Variants in DCC observed in about 807,000 individuals in gnomAD.
The protein encoded by DCC is DCC netrin 1 receptor.
In DCC, 58 loss-of-function variants were observed where a neutral mutation model predicts 172.5. The ratio of observed to expected loss-of-function variants is 0.34; its 90% CI spans 0.27 to 0.42. The LOEUF is 0.42. Ranked by LOEUF, DCC falls within the 10% of genes least tolerant of loss-of-function variation. DCC has a pLI of 1.00. For missense variants in DCC, 1,740 were observed against 1,791.0 expected (o/e 0.97, Z 0.51); for synonymous variants, 709 against 644.5 (o/e 1.10, Z -1.52).
intron 1 of DCC, among the ~76,000 whole-genome samples, chr18:52,449,025 C>T (rs1343804419): frequency 1.3e-5 from 2 of 152,192 alleles, no homozygotes; most frequent in African/African-American, 4.8e-5. Context: ...AATGGATTTA[C>T]AGTTCCACCT....
At chr18:53,233,688 C>G (rs1394748529) in intron 12 of DCC, among the ~76,000 whole-genome samples, 1 of 152,210 alleles carries the variant, frequency 6.6e-6, no homozygotes, top group African/African-American at 2.4e-5. Context: ...ATTCACCAAG[C>G]ATGTGAACCA....
intron 1 of DCC, among the ~76,000 whole-genome samples, chr18:52,615,971 TATGA>T (rs1178212188): frequency 6.6e-6 from 1 of 152,196 alleles, no homozygotes; most frequent in African/African-American, 2.4e-5. Context: ...TTTATATATA[TATGA>T]ATGAATGAAT....
chr18:52,697,610 C>T (rs1367336286), intron 1 of DCC, among the ~76,000 whole-genome samples: 1 of 152,098 alleles, frequency 6.6e-6, no homozygotes, highest in Non-Finnish European at 1.5e-5. Context: ...AGAGGCATAT[C>T]CAGACAAGTG....
intron 21 of DCC, among the ~76,000 whole-genome samples, chr18:53,424,130 C>T (rs749119926): frequency 9.9e-5 from 15 of 152,178 alleles, no homozygotes; most frequent in Non-Finnish European, 1.6e-4. Context: ...TAGATGGCTA[C>T]GACCTCCTGC....
chr18:52,588,344 C>T (rs1257186872), intron 1 of DCC, among the ~76,000 whole-genome samples: 1 of 152,206 alleles, frequency 6.6e-6, no homozygotes, highest in Non-Finnish European at 1.5e-5. Context: ...GCACCTGTTG[C>T]AAAGCCTTCT....
intron 1 of DCC, among the ~76,000 whole-genome samples, chr18:52,372,172 C>A (rs1008523980): frequency 1.3e-5 from 2 of 152,194 alleles, no homozygotes; most frequent in African/African-American, 4.8e-5. Context: ...AGCTGGATAT[C>A]TAGCAAGCCA....
At chr18:52,700,562 T>G (rs967744542) in intron 1 of DCC, among the ~76,000 whole-genome samples, 2 of 152,226 alleles carry the variant, frequency 1.3e-5, no homozygotes, top group African/African-American at 2.4e-5. Context: ...ATTCTTTCTA[T>G]CATGAACAAA....
At chr18:52,645,626 G>T (rs1598983821) in intron 1 of DCC, among the ~76,000 whole-genome samples, 1 of 152,124 alleles carries the variant, frequency 6.6e-6, no homozygotes, top group Non-Finnish European at 1.5e-5. Context: ...CAGGTGCATT[G>T]TGGACATCAT....
intron 20 of DCC, 61 bp from the exon 21 acceptor site, chr18:53,416,063 T>C (rs983304602): frequency 2.4e-5 from 30 of 1,246,348 alleles, no homozygotes; most frequent in Middle Eastern, 4.1e-4. Context: ...TGGTTTGATA[T>C]GTCAGCTTTC....
chr18:52,385,684 AG>A (rs1372127282), intron 1 of DCC, among the ~76,000 whole-genome samples: 1 of 152,036 alleles, frequency 6.6e-6, no homozygotes, highest in Non-Finnish European at 1.5e-5. Flanking sequence ...TTTTTCAGGG[AG>A]GAATGTAAAT....
At chr18:52,406,632 G>T (rs1485574030) in intron 1 of DCC, among the ~76,000 whole-genome samples, 1 of 152,084 alleles carries the variant, frequency 6.6e-6, no homozygotes, top group African/African-American at 2.4e-5. Flanking sequence ...GTTCAAAGAT[G>T]ATAAAGGGCT....
At chr18:52,763,696 C>T (rs1188579636) in intron 2 of DCC, among the ~76,000 whole-genome samples, 1 of 152,160 alleles carries the variant, frequency 6.6e-6, no homozygotes. Context: ...TTCATAAAAT[C>T]GTGCAACCAC....
chr18:52,511,420 A>T (rs1357887939), intron 1 of DCC, among the ~76,000 whole-genome samples: 2 of 152,206 alleles, frequency 1.3e-5, no homozygotes, highest in Non-Finnish European at 2.9e-5. Context: ...GTATTAATGC[A>T]TGTACCTCTT....
At chr18:53,348,385 T>C (rs1027103876) in intron 15 of DCC, among the ~76,000 whole-genome samples, 2 of 152,206 alleles carry the variant, frequency 1.3e-5, no homozygotes, top group Non-Finnish European at 2.9e-5. Context: ...CCCATCTTCT[T>C]GGGAAGCTCC....
In DCC at chr18:52,959,029, G is replaced by T. The variant is rs576404835; in HGVS notation, c.985+33659G>T. Among the ~76,000 whole-genome samples, 338 of 152,126 alleles carry T rather than the reference G, an allele frequency of 2.2e-3. 1 individual carries two copies. Among genetic ancestry groups the T allele is most frequent in the African/African-American group, 7.9e-3 (327 of 41,506 alleles). On this transcript the variant is annotated intron_variant, in intron 5 of 28. Transcript: ENST00000442544. ...TATCATTAGTGTTAGTGTATTTTTT[G>T]TGTGGCCGAAGACAGTTCTTCTAAT...
intron 5 of DCC, among the ~76,000 whole-genome samples, chr18:53,012,098 G>A (rs1211308109): frequency 6.6e-6 from 1 of 151,876 alleles, no homozygotes; most frequent in Non-Finnish European, 1.5e-5. Flanking sequence ...TTGGTGGAAT[G>A]TAAAGATGAA....
At chr18:52,949,145 G>C (rs1402216896) in intron 5 of DCC, among the ~76,000 whole-genome samples, 1 of 152,172 alleles carries the variant, frequency 6.6e-6, no homozygotes, top group Non-Finnish European at 1.5e-5. Context: ...TATCATTGCT[G>C]TGAGACTTCA....
intron 3 of DCC, among the ~76,000 whole-genome samples, chr18:52,916,731 CT>C (rs1437915106): frequency 6.6e-6 from 1 of 152,098 alleles, no homozygotes; most frequent in African/African-American, 2.4e-5. Context: ...TCAAGGATAT[CT>C]CTACAATTAT....
At chr18:52,928,563 A>G (rs2040254819) in intron 5 of DCC, among the ~76,000 whole-genome samples, 1 of 152,208 alleles carries the variant, frequency 6.6e-6, no homozygotes, top group Admixed American at 6.5e-5. Context: ...GTGCATATTT[A>G]TATGTGTATA....
Sources: allele counts gnomAD v4.1 joint callset (sites outside exome capture counted in the v4.1 genomes callset), GRCh38; gene constraint gnomAD v4.1.1; transcripts MANE v1.5; gene names NCBI Gene and HGNC (gene_info 2026-07-23, HGNC 2026-07-21).